The following AAK1 variants were observed in gnomAD, a reference collection of about 807,000 sequenced individuals.
The protein encoded by AAK1 is AP2 associated kinase 1, also known as AP2-associated protein kinase 1.
Under a neutral mutation model 116.0 loss-of-function variants are expected in AAK1, and 37 were observed. That is an observed-to-expected ratio of 0.32 (90% CI 0.25 to 0.42). The LOEUF (loss-of-function observed/expected upper bound fraction) is 0.42. Ranked by LOEUF, AAK1 falls within the 10% of genes least tolerant of loss-of-function variation. AAK1 has a pLI of 1.00. For synonymous variants in AAK1, 458 were observed against 439.9 expected (o/e 1.04, Z -0.51); for missense variants, 919 against 1,170.6 (o/e 0.79, Z 3.14).
chr2:69,497,427 G>A (rs764834089), intron 16 of AAK1, among the ~76,000 whole-genome samples: 4 of 143,624 alleles, frequency 2.8e-5, no homozygotes, highest in African/African-American at 7.9e-5. Context: ...TCAGCCTCCC[G>A]AGTAGCTGGG....
chr2:69,531,511 A>G (rs972726333), intron 6 of AAK1: 2 of 903,986 alleles, frequency 2.2e-6, no homozygotes, highest in South Asian at 1.0e-4. Context: ...AAAATGGGTC[A>G]GGCTCTTATT....
intron 2 of AAK1, among the ~76,000 whole-genome samples, chr2:69,558,755 T>C (rs1671502100): frequency 6.6e-6 from 1 of 152,200 alleles, no homozygotes; most frequent in African/African-American, 2.4e-5. Flanking sequence ...AGGAGCCACA[T>C]GCAAAATTGA....
chr2:69,523,288 T>G (rs1209049858), intron 10 of AAK1, among the ~76,000 whole-genome samples: 2 of 152,058 alleles, frequency 1.3e-5, no homozygotes, highest in Non-Finnish European at 2.9e-5. Flanking sequence ...CAAAACAACT[T>G]CCAAAGAGGT....
At chr2:69,512,997 G>GA (rs1676448884) in intron 13 of AAK1, among the ~76,000 whole-genome samples, 1 of 152,228 alleles carries the variant, frequency 6.6e-6, no homozygotes. Context: ...CTATGCCTCA[G>GA]TTTCCAATTC....
intron 13 of AAK1, among the ~76,000 whole-genome samples, chr2:69,514,018 T>C (rs1330218046): frequency 6.6e-6 from 1 of 152,146 alleles, no homozygotes; most frequent in Non-Finnish European, 1.5e-5. Context: ...GGGAGCTGCA[T>C]GGTAAACTTA....
chr2:69,534,985 A>G (rs912130336), intron 5 of AAK1, among the ~76,000 whole-genome samples: 2 of 152,250 alleles, frequency 1.3e-5, no homozygotes, highest in African/African-American at 4.8e-5. Flanking sequence ...TGCATCTCCC[A>G]TAACACCTTG....
At chr2:69,521,491 T>C (rs898232562) in intron 10 of AAK1, among the ~76,000 whole-genome samples, 2 of 152,150 alleles carry the variant, frequency 1.3e-5, no homozygotes, top group Admixed American at 1.3e-4. Context: ...GAATCCAACA[T>C]GGGAACTGGA....
At chr2:69,503,900 G>A (rs1676071553) in intron 16 of AAK1, among the ~76,000 whole-genome samples, 1 of 151,866 alleles carries the variant, frequency 6.6e-6, no homozygotes, top group African/African-American at 2.4e-5. Context: ...TTGGGAGGCT[G>A]AGGCAGGAGA....
chr2:69,560,092 T>C (rs1470308293), intron 2 of AAK1, among the ~76,000 whole-genome samples: 1 of 152,262 alleles, frequency 6.6e-6, no homozygotes, highest in Non-Finnish European at 1.5e-5. Context: ...CAAGCATCTA[T>C]GCCTATAAAA....
rs1227445887 is a variant in AAK1 at position 69,460,263 on chromosome 2, C to T, written c.*15606G>A. ...ACCCAAGTGATTTTTAAGCTGTATT[C>T]TTCCTGCTAGAGAATGAATTGAGTA... On this transcript the variant is annotated 3_prime_UTR_variant, in exon 22 of 22. Transcript: ENST00000409085. 4.6e-5 allele frequency: 7 copies of T among 152,612 alleles called. No homozygotes were observed. Among genetic ancestry groups the T allele is most frequent in the African/African-American group, 1.7e-4 (7 of 41,442 alleles). The allele number at this position is 152,612 out of a possible 1,614,324, so 9.5% of individuals were successfully genotyped here.
chr2:69,619,129 C>T (rs1394647677), intron 2 of AAK1, among the ~76,000 whole-genome samples: 1 of 152,190 alleles, frequency 6.6e-6, no homozygotes, highest in Admixed American at 6.5e-5. Context: ...TCAAATCACA[C>T]AGCCTTACAA....
At chr2:69,583,945 T>C (rs1672651802) in intron 2 of AAK1, among the ~76,000 whole-genome samples, 1 of 152,214 alleles carries the variant, frequency 6.6e-6, no homozygotes, top group South Asian at 2.1e-4. Flanking sequence ...CTTAGTTGTC[T>C]CTCCAGGTAA....
intron 2 of AAK1, among the ~76,000 whole-genome samples, chr2:69,590,317 A>G (rs895989723): frequency 6.6e-6 from 1 of 152,262 alleles, no homozygotes; most frequent in Non-Finnish European, 1.5e-5. Flanking sequence ...CCCTTTCCGT[A>G]GCAGCAGAAA....
In AAK1 at chr2:69,490,242, G is replaced by A. The variant is rs1675468178; in HGVS notation, c.2365+5743C>T. Reference sequence around the variant, plus strand: ...AATGTAAAATGATGCAGCCTCTATGGAAAACAGTGGTCCTCAAAAAGTTAA... The same window carrying A: ...AATGTAAAATGATGCAGCCTCTATGAAAAACAGTGGTCCTCAAAAAGTTAA... On this transcript the variant is annotated intron_variant, in intron 17 of 21. Coordinates refer to ENST00000409085, the MANE Select transcript of AAK1 (RefSeq NM_014911.5). Among the ~76,000 whole-genome samples, 3 of 152,124 alleles carry A rather than the reference G, an allele frequency of 2.0e-5. 1 individual carries two copies. In the East Asian group the frequency reaches 5.8e-4, roughly 29 times the overall value.
Position 69,475,708 on chromosome 2 carries a change from C to T in AAK1, c.*161G>A. ...CTGGAGGGCCAAAGTGATTTTCTTT[C>T]CTTATCATTTCTACAGGAGAAGGCA... On this transcript the variant is annotated 3_prime_UTR_variant, in exon 22 of 22. Coordinates refer to ENST00000409085, the MANE Select transcript of AAK1 (RefSeq NM_014911.5). 1 of 1,394,678 alleles carries T rather than the reference C, an allele frequency of 7.2e-7. No individual in the cohort carries two copies. The highest frequency in any genetic ancestry group is 1.7e-5 in the South Asian group (1 of 57,824). 86.4% of individuals were successfully genotyped at this position (1,394,678 alleles called of 1,614,324 possible). A position where few individuals can be genotyped will look rare whatever the true frequency, so the allele number is the denominator to read the frequency against.
intron 2 of AAK1, among the ~76,000 whole-genome samples, chr2:69,572,695 TCTGC>T (rs1672138426): frequency 6.6e-6 from 1 of 151,518 alleles, no homozygotes; most frequent in Non-Finnish European, 1.5e-5. Flanking sequence ...CCCCTTAAAT[TCTGC>T]ACTTGAGGCG....
intron 16 of AAK1, among the ~76,000 whole-genome samples, chr2:69,505,137 A>C (rs201488591): frequency 1.3e-3 from 50 of 37,276 alleles, no homozygotes; most frequent in African/African-American, 3.4e-3. Flanking sequence ...ACACACACCC[A>C]CACACACACA....
chr2:69,530,559 T>G, intron 7 of AAK1, 66 bp downstream of exon 7: 1 of 1,365,534 alleles, frequency 7.3e-7, no homozygotes, highest in Non-Finnish European at 1.0e-6. Flanking sequence ...CTGTGTGCAT[T>G]AACCTTGGGA....
At chr2:69,617,932 G>A (rs1674417230) in intron 2 of AAK1, among the ~76,000 whole-genome samples, 1 of 152,128 alleles carries the variant, frequency 6.6e-6, no homozygotes, top group Non-Finnish European at 1.5e-5. Context: ...TTTATCTCGA[G>A]GCTGCTGAGC....
Sources: gnomAD v4.1 joint callset for allele counts (sites outside exome capture counted in the v4.1 genomes callset) on GRCh38, gnomAD v4.1.1 for gene constraint, MANE v1.5 for transcripts, NCBI Gene and HGNC (gene_info 2026-07-23, HGNC 2026-07-21) for gene names.